The following AKAP6 variants were observed in gnomAD, a reference collection of about 807,000 sequenced individuals.
The protein encoded by AKAP6 is A-kinase anchor protein 6.
A neutral mutation model predicts 188.5 loss-of-function variants in AKAP6; 58 were observed. That is an observed-to-expected ratio of 0.31 (90% confidence interval 0.25 to 0.38). The LOEUF (loss-of-function observed/expected upper bound fraction) is 0.38, where lower values mean the gene tolerates loss of function less well. AKAP6 is among the 10% of genes least tolerant of loss of function. The pLI, the probability that AKAP6 is intolerant of heterozygous loss-of-function variation, is 1.00. For missense variants in AKAP6, 2,710 were observed against 2,740.0 expected, an observed-to-expected ratio of 0.99 and a Z score of 0.24; for synonymous variants, 989 against 998.6, an observed-to-expected ratio of 0.99 and a Z score of 0.18.
rs1208391206 is a variant in AKAP6, at chr14:32,396,858, T to C, written c.-34-36602T>C. Reference sequence around the variant, plus strand: ...CTGGTTTTCCAGTTACATGAGTCAATAAATGTTCTCACTTTTTAAGCTAGT... The same window carrying C: ...CTGGTTTTCCAGTTACATGAGTCAACAAATGTTCTCACTTTTTAAGCTAGT... On this transcript the variant is annotated intron_variant, in intron 1 of 13. Transcript: ENST00000280979. Among the ~76,000 whole-genome samples the C allele has an allele frequency of 1.3e-5, 2 of 152,184 alleles. 1 individual carries two copies. Among genetic ancestry groups the C allele is most frequent in the African/African-American group, 4.8e-5 (2 of 41,460 alleles).
intron 11 of AKAP6, among the ~76,000 whole-genome samples, chr14:32,745,431 C>G (rs2031854503): frequency 6.6e-6 from 1 of 151,692 alleles, no homozygotes; most frequent in African/African-American, 2.4e-5. Flanking sequence ...GTTTTTTTCC[C>G]TTACTTTCTG....
intron 5 of AKAP6, among the ~76,000 whole-genome samples, chr14:32,585,446 G>A (rs1475313255): frequency 6.6e-6 from 1 of 151,982 alleles, no homozygotes; most frequent in African/African-American, 2.4e-5. Context: ...AATTCAATTT[G>A]ATAAATGAGG....
chr14:32,403,877 C>T (rs1347284250), intron 1 of AKAP6, among the ~76,000 whole-genome samples: 1 of 152,184 alleles, frequency 6.6e-6, no homozygotes, highest in East Asian at 1.9e-4. Context: ...AAATTCACTT[C>T]TGAGTCATCA....
chr14:32,783,269 C>T (rs186778286), intron 12 of AKAP6, among the ~76,000 whole-genome samples: 2 of 151,792 alleles, frequency 1.3e-5, no homozygotes, highest in East Asian at 1.9e-4. Context: ...AAATAATTGA[C>T]CTAAATGTAA....
intron 2 of AKAP6, among the ~76,000 whole-genome samples, chr14:32,507,436 A>G (rs999957987): frequency 1.9e-4 from 29 of 152,240 alleles, no homozygotes; most frequent in African/African-American, 7.0e-4. Flanking sequence ...TACATTTAAA[A>G]TAAGGGTGTT....
At chr14:32,598,907 A>C (rs1885809634) in intron 5 of AKAP6, among the ~76,000 whole-genome samples, 1 of 152,198 alleles carries the variant, frequency 6.6e-6, no homozygotes, top group Non-Finnish European at 1.5e-5. Flanking sequence ...TCCTCAGTGC[A>C]ACACCTGAAT....
chr14:32,475,088 G>T (rs987503552), intron 2 of AKAP6, among the ~76,000 whole-genome samples: 1 of 152,110 alleles, frequency 6.6e-6, no homozygotes, highest in East Asian at 1.9e-4. Flanking sequence ...TGTAGTACTC[G>T]TCTATAATTT....
intron 4 of AKAP6, among the ~76,000 whole-genome samples, chr14:32,576,897 A>C (rs1271801365): frequency 6.6e-5 from 10 of 152,126 alleles, no homozygotes; most frequent in Admixed American, 6.6e-4. Flanking sequence ...CTAGAGAAAA[A>C]CTGAGAGGGA....
At chr14:32,705,360 T>C (rs1045510357) in intron 9 of AKAP6, among the ~76,000 whole-genome samples, 1 of 151,430 alleles carries the variant, frequency 6.6e-6, no homozygotes, top group Non-Finnish European at 1.5e-5. Context: ...GGGAAGAGAG[T>C]GGGTAGAGAG....
chr14:32,488,012 C>A (rs1175978483), intron 2 of AKAP6, among the ~76,000 whole-genome samples: 1 of 152,192 alleles, frequency 6.6e-6, no homozygotes, highest in African/African-American at 2.4e-5. Flanking sequence ...GGGTCAGGGA[C>A]CCACTTGAGG....
intron 1 of AKAP6, among the ~76,000 whole-genome samples, chr14:32,379,525 C>T (rs78730855): frequency 1.3e-5 from 2 of 152,186 alleles, no homozygotes; most frequent in East Asian, 3.9e-4. Context: ...TCTCATTCTG[C>T]TCCTCACTTC....
intron 1 of AKAP6, among the ~76,000 whole-genome samples, chr14:32,343,150 A>AC (rs1208447398): frequency 6.6e-6 from 1 of 151,898 alleles, no homozygotes; most frequent in East Asian, 1.9e-4. Flanking sequence ...TCTCAGTCCC[A>AC]CCCCCACTAG....
intron 1 of AKAP6, among the ~76,000 whole-genome samples, chr14:32,338,023 C>T (rs572992626): frequency 6.6e-6 from 1 of 151,902 alleles, no homozygotes; most frequent in African/African-American, 2.4e-5. Flanking sequence ...CTGGCTCAAA[C>T]AAAACAAGAC....
rs1227663615 is a variant in AKAP6 at position 32,434,027 on chromosome 14, C to T, written c.324+210C>T. On this transcript the variant is annotated intron_variant, in intron 2 of 13. Transcript: ENST00000280979. ...GCTGATTATCTAGAATACAACTGGCCTTTGGTGATAGTGCAGAGAAATGGG... is the reference window on the plus strand; with the variant it reads ...GCTGATTATCTAGAATACAACTGGCTTTTGGTGATAGTGCAGAGAAATGGG... 3.1e-5 allele frequency: 17 copies of T among 545,230 alleles called. No individual in the cohort carries two copies. The South Asian group carries it at 3.4e-4, about 11-fold the overall frequency. The allele number at this position is 545,230 out of a possible 1,614,324, so 33.8% of individuals were successfully genotyped here.
At position 32,428,864 on chromosome 14, in the gene AKAP6, A is replaced by G. The variant is rs187403478; in HGVS notation, c.-34-4596A>G. On this transcript the variant is annotated intron_variant, in intron 1 of 13. Coordinates refer to ENST00000280979, the MANE Select transcript of AKAP6 (RefSeq NM_004274.5). ...GATGATAAATAGAATAAGGTGGAAAAACCCTTTTATAATTTAAAAAAAAGC... is the reference window on the plus strand; with the variant it reads ...GATGATAAATAGAATAAGGTGGAAAGACCCTTTTATAATTTAAAAAAAAGC... 4.6e-5 allele frequency among the ~76,000 whole-genome samples: 7 copies of G among 152,298 alleles called. No homozygotes were observed. In the East Asian group the frequency reaches 1.4e-3, roughly 29 times the overall value.
At chr14:32,682,163 A>T (rs570877827) in intron 8 of AKAP6, among the ~76,000 whole-genome samples, 4 of 152,268 alleles carry the variant, frequency 2.6e-5, no homozygotes, top group African/African-American at 9.6e-5. Flanking sequence ...GCAGAGAGAG[A>T]GGGCTCTGGA....
intron 11 of AKAP6, among the ~76,000 whole-genome samples, chr14:32,760,029 G>A (rs10137532): frequency 0.17 from 25,418 of 152,132 alleles, 3,619 homozygotes; most frequent in African/African-American, 0.39. Flanking sequence ...CTTTGCTTAC[G>A]CATGTGGTTC....
At chr14:32,809,786 A>G (rs2034177392) in intron 12 of AKAP6, among the ~76,000 whole-genome samples, 1 of 152,154 alleles carries the variant, frequency 6.6e-6, no homozygotes, top group Non-Finnish European at 1.5e-5. Context: ...AACATAAGGG[A>G]TCTCCGTTTA....
At chr14:32,751,996 T>C (rs1414144518) in intron 11 of AKAP6, among the ~76,000 whole-genome samples, 1 of 152,218 alleles carries the variant, frequency 6.6e-6, no homozygotes, top group Admixed American at 6.5e-5. Flanking sequence ...TCATTTGAAC[T>C]ACAGTGTCTG....
Sources: allele counts gnomAD v4.1 joint callset (sites outside exome capture counted in the v4.1 genomes callset), GRCh38; gene constraint gnomAD v4.1.1; transcripts MANE v1.5; gene names NCBI Gene and HGNC (gene_info 2026-07-23, HGNC 2026-07-21).